The following OTOGL variants were observed in gnomAD, a reference collection of about 807,000 sequenced individuals.
OTOGL encodes the protein otogelin like, also known as otogelin-like protein.
OTOGL carries 285 observed loss-of-function variants against 318.5 expected under a neutral mutation model. That is an observed-to-expected ratio of 0.89 (90% CI 0.81 to 0.99). The LOEUF (loss-of-function observed/expected upper bound fraction) is 0.99. Ranked by LOEUF, OTOGL falls within the 50% of genes least tolerant of loss-of-function variation. The pLI, the probability that OTOGL is intolerant of heterozygous loss-of-function variation, is 0.00. For synonymous variants in OTOGL, 987 were observed against 936.5 expected, an observed-to-expected ratio of 1.05 and a Z score of -0.99; for missense variants, 2,899 against 2,845.6, an observed-to-expected ratio of 1.02 and a Z score of -0.43.
rs1357031910 is a variant in OTOGL at position 80,380,180 on chromosome 12, T to C, written c.*2132T>C. The C allele has an allele frequency of 6.6e-6, 1 of 151,888 alleles. No homozygotes were observed. The highest frequency in any genetic ancestry group is 2.4e-5 in the African/African-American group (1 of 41,382). 9.4% of individuals were successfully genotyped at this position (151,888 alleles called of 1,614,324 possible). On this transcript the variant is annotated 3_prime_UTR_variant, in exon 59 of 59. Transcript: ENST00000547103. Reference sequence around the variant, plus strand: ...TTAAAAAACAAAAGAAGATAGGAGTTACAAAAGAAAATAGGGAAGAAATCT... The same window carrying C: ...TTAAAAAACAAAAGAAGATAGGAGTCACAAAAGAAAATAGGGAAGAAATCT...
At chr12:80,135,351 T>C (rs1871499143) in intron 1 of OTOGL, among the ~76,000 whole-genome samples, 1 of 148,188 alleles carries the variant, frequency 6.7e-6, no homozygotes. Flanking sequence ...CAGCTCATTG[T>C]AACCTCTGCT....
intron 20 of OTOGL, 48 bp downstream of exon 20, chr12:80,265,258 C>T (rs768857537): frequency 2.0e-6 from 3 of 1,514,806 alleles, no homozygotes; most frequent in Non-Finnish European, 2.7e-6. Context: ...ACCTTAGAGA[C>T]CTCTATGTTT....
chr12:80,146,476 A>AT, intron 1 of OTOGL, among the ~76,000 whole-genome samples: 1 of 151,578 alleles, frequency 6.6e-6, no homozygotes, highest in African/African-American at 2.4e-5. Context: ...TTTATTGAGG[A>AT]TTTTTGCATC....
At chr12:80,275,287 C>A (rs1399588101) in intron 24 of OTOGL, among the ~76,000 whole-genome samples, 1 of 151,850 alleles carries the variant, frequency 6.6e-6, no homozygotes, top group Non-Finnish European at 1.5e-5. Context: ...TTTATTCTAA[C>A]CCTCACGGAT....
intron 1 of OTOGL, among the ~76,000 whole-genome samples, chr12:80,100,240 A>G (rs1869057391): frequency 6.6e-6 from 1 of 152,116 alleles, no homozygotes. Context: ...GTTTATTCCA[A>G]TTCTACTCTT....
intron 1 of OTOGL, among the ~76,000 whole-genome samples, chr12:80,201,195 T>G (rs911024877): frequency 1.3e-5 from 2 of 152,210 alleles, no homozygotes; most frequent in Non-Finnish European, 2.9e-5. Context: ...AGGTTGTTTC[T>G]GGTTGGAGTC....
In OTOGL at chr12:80,266,721, T is replaced by C. The variant is rs991881040; in HGVS notation, c.2390+105T>C. 5 of 1,137,048 alleles carry C rather than the reference T, an allele frequency of 4.4e-6. No homozygotes were observed. In the African/African-American group the frequency reaches 6.3e-5, roughly 14 times the overall value. The allele number at this position is 1,137,048 out of a possible 1,614,324, so 70.4% of individuals were successfully genotyped here. On this transcript the variant is annotated intron_variant, in intron 21 of 58. Coordinates refer to ENST00000547103, the MANE Select transcript of OTOGL (RefSeq NM_001378609.3). ...TTTTTGAAAAAAATATTTCTTATTGTCTTTACTTTTTTTTTTAAAAAACCC... is the reference window on the plus strand; with the variant it reads ...TTTTTGAAAAAAATATTTCTTATTGCCTTTACTTTTTTTTTTAAAAAACCC...
At chr12:80,278,691 A>C (rs1306210006) in intron 25 of OTOGL, among the ~76,000 whole-genome samples, 3 of 151,704 alleles carry the variant, frequency 2.0e-5, no homozygotes, top group African/African-American at 7.2e-5. Context: ...TGTCATGTCT[A>C]ATGCATTTAA....
intron 13 of OTOGL, among the ~76,000 whole-genome samples, chr12:80,253,047 C>T (rs2137506401): frequency 6.6e-6 from 1 of 152,312 alleles, no homozygotes; most frequent in Middle Eastern, 3.4e-3. Flanking sequence ...AATGCAGTCG[C>T]ATGGTCTTGG....
chr12:80,222,719 T>C (rs1268446910), intron 7 of OTOGL, among the ~76,000 whole-genome samples: 1 of 152,190 alleles, frequency 6.6e-6, no homozygotes, highest in Non-Finnish European at 1.5e-5. Context: ...GCCTACTATC[T>C]TCTGAATTTC....
At chr12:80,136,423 T>C (rs1871574159) in intron 1 of OTOGL, among the ~76,000 whole-genome samples, 1 of 152,206 alleles carries the variant, frequency 6.6e-6, no homozygotes. Flanking sequence ...TCTTGCCAGG[T>C]CTCCCTGCCA....
intron 37 of OTOGL, among the ~76,000 whole-genome samples, chr12:80,332,305 G>C (rs530980108): frequency 4.7e-4 from 72 of 152,294 alleles, no homozygotes; most frequent in Non-Finnish European, 7.3e-4. Flanking sequence ...AGCAGCAATA[G>C]GAAACTAATG....
chr12:80,117,890 G>C (rs556860824), intron 1 of OTOGL, among the ~76,000 whole-genome samples: 1 of 152,048 alleles, frequency 6.6e-6, no homozygotes, highest in African/African-American at 2.4e-5. Context: ...TTCTTCAAAA[G>C]CACATCTTAA....
intron 26 of OTOGL, among the ~76,000 whole-genome samples, chr12:80,291,922 G>T (rs977960659): frequency 6.6e-6 from 1 of 152,062 alleles, no homozygotes; most frequent in Non-Finnish European, 1.5e-5. Flanking sequence ...TTTGTTGTAA[G>T]CTATAAATAG....
chr12:80,151,170 T>G (rs1465194198), intron 1 of OTOGL, among the ~76,000 whole-genome samples: 1 of 152,158 alleles, frequency 6.6e-6, no homozygotes, highest in African/African-American at 2.4e-5. Context: ...TCTAATTGAA[T>G]AAGCCATCCT....
chr12:80,252,286 C>A, intron 13 of OTOGL, 85 bp downstream of exon 13: 3 of 1,396,792 alleles, frequency 2.1e-6, no homozygotes, highest in East Asian at 2.7e-5. Context: ...TTTTGCTGTC[C>A]TTTCCCAGTA....
chr12:80,265,593 G>A, intron 20 of OTOGL: 1 of 203,548 alleles, frequency 4.9e-6, no homozygotes, highest in Non-Finnish European at 1.0e-5. Context: ...TATGCAACAG[G>A]CAATTATTAT....
intron 11 of OTOGL, among the ~76,000 whole-genome samples, chr12:80,250,259 CTT>C (rs1881416495): frequency 6.6e-6 from 1 of 152,174 alleles, no homozygotes; most frequent in Non-Finnish European, 1.5e-5. Context: ...AAAAAATAAA[CTT>C]ATTTTCCCCT....
intron 56 of OTOGL, among the ~76,000 whole-genome samples, chr12:80,371,617 A>G (rs961884356): frequency 6.6e-6 from 1 of 152,310 alleles, no homozygotes; most frequent in Non-Finnish European, 1.5e-5. Flanking sequence ...AAAGATGTAC[A>G]ATTTTAACAT....
Sources: gnomAD v4.1 joint callset for allele counts (sites outside exome capture counted in the v4.1 genomes callset) on GRCh38, gnomAD v4.1.1 for gene constraint, MANE v1.5 for transcripts, NCBI Gene and HGNC (gene_info 2026-07-23, HGNC 2026-07-21) for gene names.